KCNK9: variants seen among roughly 807,000 people sequenced by gnomAD.
KCNK9 encodes potassium channel subfamily K member 9.
KCNK9 carries 1 observed loss-of-function variant against 10.8 expected under a neutral mutation model. The ratio of observed to expected loss-of-function variants is 0.09; its 90% CI spans 0.03 to 0.44. The LOEUF (loss-of-function observed/expected upper bound fraction) is 0.44, where lower values mean the gene tolerates loss of function less well. Ranked by LOEUF, KCNK9 falls within the 20% of genes least tolerant of loss-of-function variation. The probability of loss-of-function intolerance (pLI) is 0.97; values close to 1 mark genes in which losing one functional copy is unlikely to be tolerated. For synonymous variants in KCNK9, 231 were observed against 222.7 expected (o/e 1.04, Z -0.33); for missense variants, 303 against 515.0 (o/e 0.59, Z 3.98).
At chr8:139,655,374 C>T (rs1157156389) in intron 1 of KCNK9, among the ~76,000 whole-genome samples, 1 of 152,194 alleles carries the variant, frequency 6.6e-6, no homozygotes, top group Admixed American at 6.5e-5. Flanking sequence ...CCCAAAATAG[C>T]CTTTCTCGCC....
At chr8:139,627,001 G>A (rs974965144) in intron 1 of KCNK9, among the ~76,000 whole-genome samples, 2 of 152,172 alleles carry the variant, frequency 1.3e-5, no homozygotes, top group African/African-American at 4.8e-5. Context: ...TTAAACCCAG[G>A]CGTCTGCAAA....
intron 1 of KCNK9, among the ~76,000 whole-genome samples, chr8:139,661,245 T>C (rs1816143611): frequency 1.3e-5 from 2 of 152,208 alleles, no homozygotes; most frequent in Admixed American, 6.5e-5. Context: ...ACACACCATA[T>C]GCCCCACATC....
intron 1 of KCNK9, among the ~76,000 whole-genome samples, chr8:139,683,090 C>T (rs1271919130): frequency 6.6e-6 from 1 of 152,308 alleles, no homozygotes; most frequent in Non-Finnish European, 1.5e-5. Flanking sequence ...TCCCAGCTTA[C>T]AGCAAATGTC....
At chr8:139,620,644 G>A (rs1207926500) in intron 1 of KCNK9, among the ~76,000 whole-genome samples, 1 of 152,048 alleles carries the variant, frequency 6.6e-6, no homozygotes, top group Non-Finnish European at 1.5e-5. Flanking sequence ...ACCCCCATGG[G>A]CCAAACTCTC....
intron 1 of KCNK9, among the ~76,000 whole-genome samples, chr8:139,650,157 A>G (rs1815818614): frequency 6.6e-6 from 1 of 152,200 alleles, no homozygotes; most frequent in Non-Finnish European, 1.5e-5. Flanking sequence ...CATCTCCCCC[A>G]AGTAAGATCC....
chr8:139,684,078 G>A (rs1276702069), intron 1 of KCNK9, among the ~76,000 whole-genome samples: 1 of 152,172 alleles, frequency 6.6e-6, no homozygotes, highest in Non-Finnish European at 1.5e-5. Flanking sequence ...CCAGGTCCCA[G>A]GTGGTCCTGG....
Position 139,702,858 on chromosome 8 carries a change from C to T in KCNK9, c.135G>A (p.Glu45=). 6.2e-7 allele frequency: 1 copy of T among 1,614,056 alleles called. No individual in the cohort carries two copies. The highest frequency in any genetic ancestry group is 1.7e-4 in the Middle Eastern group (1 of 6,060). The part of the protein sequence containing the change: ...MREEEKLKAE[E]IRIKGKYNIS... The stretch of plus-strand genomic sequence containing the variant: ...TGTTGTACTTCCCCTTGATCCGGAT[C>T]TCCTCGGCTTTGAGTTTCTCCTCCT... Residue 45 remains glutamate, a synonymous_variant, in exon 1 of 2, where the codon GAG becomes GAA. Transcript: ENST00000520439. The surrounding 1 kb of genome is among the most constrained non-coding windows in gnomAD (Gnocchi z 7.5).
At chr8:139,608,527 G>A (rs1253853180), downstream of KCNK9, among the ~76,000 whole-genome samples, 1 of 152,042 alleles carries the variant, frequency 6.6e-6, no homozygotes, top group Non-Finnish European at 1.5e-5. Context: ...CAGGCGGCCA[G>A]CCTGGGTCAC....
At chr8:139,664,966 T>G (rs929030078) in intron 1 of KCNK9, among the ~76,000 whole-genome samples, 1 of 151,900 alleles carries the variant, frequency 6.6e-6, no homozygotes, top group African/African-American at 2.4e-5. Flanking sequence ...GGGGGATGTC[T>G]CCTTCCTACA....
downstream of KCNK9, among the ~76,000 whole-genome samples, chr8:139,607,733 C>A (rs1814275496): frequency 6.6e-6 from 1 of 152,160 alleles, no homozygotes. Context: ...GGATCTGGCC[C>A]CTGTGTAGGA....
chr8:139,676,016 G>A lies in KCNK9; in HGVS notation c.283+26694C>T, dbSNP rs555929462. On this transcript the variant is annotated intron_variant, in intron 1 of 1. Coordinates refer to ENST00000520439, the MANE Select transcript of KCNK9 (RefSeq NM_001282534.2). ...GAGAAATGTCCCATAGCTGCCCATG[G>A]GCTCTCCTTTTCTATTGGCTAGTTG... Among the ~76,000 whole-genome samples the A allele has an allele frequency of 2.6e-5, 4 of 152,268 alleles. No homozygotes were observed. In the South Asian group the frequency reaches 8.3e-4, roughly 32 times the overall value.
chr8:139,634,447 G>C (rs920832733), intron 1 of KCNK9, among the ~76,000 whole-genome samples: 4 of 152,128 alleles, frequency 2.6e-5, no homozygotes, highest in Non-Finnish European at 5.9e-5. Context: ...AGCCCCCACT[G>C]CCCTCAATCC....
chr8:139,626,363 C>G (rs1814975580), intron 1 of KCNK9, among the ~76,000 whole-genome samples: 1 of 152,184 alleles, frequency 6.6e-6, no homozygotes, highest in Admixed American at 6.5e-5. Flanking sequence ...ATTACTACCC[C>G]CATTCCTTCC....
chr8:139,661,673 G>T (rs1379807260), intron 1 of KCNK9, among the ~76,000 whole-genome samples: 1 of 152,218 alleles, frequency 6.6e-6, no homozygotes, highest in Non-Finnish European at 1.5e-5. Flanking sequence ...TTCAAAGGAG[G>T]TCCCAGGAGA....
chr8:139,671,157 C>T (rs895022374), intron 1 of KCNK9, among the ~76,000 whole-genome samples: 3 of 152,250 alleles, frequency 2.0e-5, no homozygotes, highest in African/African-American at 7.2e-5. Context: ...GTCACTGGCC[C>T]TTCTGCTCCT....
intron 1 of KCNK9, among the ~76,000 whole-genome samples, chr8:139,626,935 C>T (rs1298618414): frequency 6.6e-6 from 1 of 152,232 alleles, no homozygotes; most frequent in Admixed American, 6.5e-5. Flanking sequence ...AAGCATCCCA[C>T]TCATCCTCCC....
rs184902110 is a variant in KCNK9, at chr8:139,604,508, C to T, written c.*1-2907G>A. 2.2e-4 allele frequency among the ~76,000 whole-genome samples: 33 copies of T among 152,238 alleles called. No individual in the cohort carries two copies. The East Asian group carries it at 4.7e-3, about 21-fold the overall frequency. On this transcript the variant is annotated intron_variant, in intron 2 of 2. Transcript: ENST00000650269. ...TCTGCACGCCATGGAGAGCACAAGC[C>T]GGGCACGCAGATAGGAGCAAAGCTG... is the stretch of plus-strand genomic sequence containing the variant.
chr8:139,695,738 G>A (rs1271353206), intron 1 of KCNK9, among the ~76,000 whole-genome samples: 1 of 48,912 alleles, frequency 2.0e-5, no homozygotes, highest in Non-Finnish European at 3.9e-5. Context: ...AATGCCCACT[G>A]CCTTTCCTTT....
chr8:139,676,347 G>A (rs1259392287), intron 1 of KCNK9, among the ~76,000 whole-genome samples: 1 of 152,226 alleles, frequency 6.6e-6, no homozygotes, highest in Non-Finnish European at 1.5e-5. Flanking sequence ...CTGGCTACTT[G>A]TTGTCTCCTG....
Sources: gnomAD v4.1 joint callset for allele counts (sites outside exome capture counted in the v4.1 genomes callset) on GRCh38, gnomAD v4.1.1 for gene constraint, Gnocchi (gnomAD v3.1) non-coding constraint, MANE v1.5 for transcripts, NCBI Gene and HGNC (gene_info 2026-07-23, HGNC 2026-07-21) for gene names.